CDH12: variants seen among roughly 807,000 people sequenced by gnomAD.
CDH12 encodes cadherin-12.
Under a neutral mutation model 74.1 loss-of-function variants are expected in CDH12, and 41 were observed. That is an observed-to-expected ratio of 0.55 (90% CI 0.43 to 0.72). The LOEUF is 0.72. CDH12 is among the 30% of genes least tolerant of loss of function. The pLI is 0.00. For missense variants in CDH12, 945 were observed against 977.2 expected (o/e 0.97, Z 0.44); for synonymous variants, 399 against 355.0 (o/e 1.12, Z -1.39).
intron 12 of CDH12, among the ~76,000 whole-genome samples, chr5:21,764,651 GAAAA>G (rs369895363): frequency 1.8e-5 from 2 of 110,096 alleles, no homozygotes; most frequent in African/African-American, 3.9e-5. Context: ...TTCATATCAA[GAAAA>G]AAAAAAAAAA....
intron 1 of CDH12, among the ~76,000 whole-genome samples, chr5:22,627,675 C>A (rs1414001944): frequency 6.6e-6 from 1 of 152,024 alleles, no homozygotes. Context: ...GCAACTACAC[C>A]ATTAAGTATG....
At chr5:22,051,226 T>C (rs1475179609) in intron 5 of CDH12, among the ~76,000 whole-genome samples, 2 of 152,106 alleles carry the variant, frequency 1.3e-5, no homozygotes, top group Non-Finnish European at 2.9e-5. Flanking sequence ...CTTGATGTTA[T>C]TTAAACTCTC....
intron 8 of CDH12, among the ~76,000 whole-genome samples, chr5:21,836,432 T>C (rs548586139): frequency 6.7e-6 from 1 of 150,004 alleles, no homozygotes; most frequent in Admixed American, 6.7e-5. Context: ...ACAATTATCT[T>C]ATCTATTATT....
At chr5:22,495,382 A>G (rs533764350) in intron 2 of CDH12, among the ~76,000 whole-genome samples, 1 of 152,280 alleles carries the variant, frequency 6.6e-6, no homozygotes, top group East Asian at 1.9e-4. Flanking sequence ...AATATTATTA[A>G]AAGTGAGAAA....
chr5:22,429,240 TC>T (rs1744069753), intron 2 of CDH12, among the ~76,000 whole-genome samples: 4 of 152,018 alleles, frequency 2.6e-5, no homozygotes, highest in African/African-American at 9.7e-5. Flanking sequence ...CACTGGATCC[TC>T]CCACCTCAGC....
intron 10 of CDH12, among the ~76,000 whole-genome samples, chr5:21,793,438 T>C (rs907092042): frequency 2.6e-5 from 4 of 151,796 alleles, no homozygotes; most frequent in African/African-American, 9.7e-5. Context: ...AATGTCCTGG[T>C]CATATTTCAA....
At chr5:22,134,286 GAGCTATGGGCTATT>G (rs574241392) in intron 4 of CDH12, among the ~76,000 whole-genome samples, 2 of 152,104 alleles carry the variant, frequency 1.3e-5, no homozygotes, top group Non-Finnish European at 2.9e-5. Context: ...CGTTCCGCTT[GAGCTATGGGCTATT>G]AGCTTGTGGT....
At chr5:22,260,244 C>G (rs1753461038) in intron 3 of CDH12, among the ~76,000 whole-genome samples, 1 of 151,860 alleles carries the variant, frequency 6.6e-6, no homozygotes, top group Non-Finnish European at 1.5e-5. Context: ...GTTTGTGCAC[C>G]CATGTGCACA....
At chr5:22,258,102 T>C (rs1437943609) in intron 3 of CDH12, among the ~76,000 whole-genome samples, 2 of 152,136 alleles carry the variant, frequency 1.3e-5, no homozygotes, top group African/African-American at 4.8e-5. Context: ...TAAAGTTTTT[T>C]TTGCTTTTAT....
chr5:21,850,082 A>G (rs1476248660), intron 7 of CDH12, among the ~76,000 whole-genome samples: 1 of 151,722 alleles, frequency 6.6e-6, no homozygotes, highest in Non-Finnish European at 1.5e-5. Flanking sequence ...TCTTATTTAT[A>G]TGTGGAATCT....
intron 3 of CDH12, among the ~76,000 whole-genome samples, chr5:22,301,702 G>A (rs1003082061): frequency 2.6e-5 from 4 of 151,830 alleles, no homozygotes; most frequent in Non-Finnish European, 5.9e-5. Context: ...CTTGATCTTG[G>A]CTCACTGCAA....
At chr5:22,217,199 T>C (rs768781265) in intron 3 of CDH12, among the ~76,000 whole-genome samples, 2 of 151,814 alleles carry the variant, frequency 1.3e-5, no homozygotes, top group African/African-American at 4.8e-5. Context: ...AAAAAATTGC[T>C]AAGGTCAGGA....
At position 22,673,118 on chromosome 5, in the gene CDH12, T is replaced by C. The variant is rs567696193; in HGVS notation, c.-522-167754A>G. Among the ~76,000 whole-genome samples, 10 of 152,296 alleles carry C rather than the reference T, an allele frequency of 6.6e-5. No homozygotes were observed. The East Asian group carries it at 1.7e-3, about 27-fold the overall frequency. On this transcript the variant is annotated intron_variant, in intron 1 of 14. Transcript: ENST00000382254. ...AACTCTTATTGTGATACCTCCAGTCTTTCTGAAGTCATAAGTGTATTTACA... is the reference window on the plus strand; with the variant it reads ...AACTCTTATTGTGATACCTCCAGTCCTTCTGAAGTCATAAGTGTATTTACA...
At chr5:21,865,108 C>G (rs1450932528) in intron 6 of CDH12, among the ~76,000 whole-genome samples, 1 of 152,052 alleles carries the variant, frequency 6.6e-6, no homozygotes, top group Admixed American at 6.6e-5. Context: ...TATCCTAGGA[C>G]TTTGTGGAAA....
intron 1 of CDH12, among the ~76,000 whole-genome samples, chr5:22,593,878 C>CTATCAG (rs1736468739): frequency 6.6e-6 from 1 of 152,184 alleles, no homozygotes; most frequent in Non-Finnish European, 1.5e-5. Context: ...TAGCTACATT[C>CTATCAG]TATCAGTATG....
intron 5 of CDH12, among the ~76,000 whole-genome samples, chr5:22,028,643 T>C (rs1738565629): frequency 6.6e-6 from 1 of 152,216 alleles, no homozygotes; most frequent in Non-Finnish European, 1.5e-5. Context: ...CATACCATGC[T>C]CATGGGTAGG....
intron 11 of CDH12, 132 bp from the exon 12 acceptor site, chr5:21,765,231 CCTGGGGGTT>C: frequency 1.5e-6 from 1 of 650,938 alleles, no homozygotes; most frequent in Non-Finnish European, 2.4e-6. Flanking sequence ...TATAGGAAAT[CCTGGGGGTT>C]CCAACTACAA....
chr5:22,265,626 TAAG>T (rs941230169), intron 3 of CDH12, among the ~76,000 whole-genome samples: 2 of 152,262 alleles, frequency 1.3e-5, no homozygotes, highest in South Asian at 2.1e-4. Flanking sequence ...CAGTTGTAGA[TAAG>T]AAGGCACAGT....
intron 1 of CDH12, among the ~76,000 whole-genome samples, chr5:22,598,181 A>C (rs269885): frequency 0.49 from 73,993 of 152,010 alleles, 18,236 homozygotes; most frequent in Admixed American, 0.57. Flanking sequence ...CTGTGAATGA[A>C]ATGGAAATGA....
Sources: allele counts gnomAD v4.1 joint callset (sites outside exome capture counted in the v4.1 genomes callset), GRCh38; gene constraint gnomAD v4.1.1; transcripts MANE v1.5; gene names NCBI Gene and HGNC (gene_info 2026-07-23, HGNC 2026-07-21).